The following CDSN variants were observed in gnomAD, a reference collection of about 807,000 sequenced individuals.
CDSN encodes the protein corneodesmosin, also known as S protein.
CDSN carries 11 observed loss-of-function variants against 25.6 expected under a neutral mutation model. The observed-to-expected ratio is 0.43, with a 90% CI of 0.27 to 0.71. The LOEUF is 0.71. Among genes scored for constraint, CDSN ranks in the 30% least tolerant of loss-of-function variants. The pLI, the probability that CDSN is intolerant of heterozygous loss-of-function variation, is 0.20. For synonymous variants in CDSN, 266 were observed against 267.4 expected, an observed-to-expected ratio of 0.99 and a Z score of 0.05; for missense variants, 598 against 670.9, an observed-to-expected ratio of 0.89 and a Z score of 1.20.
chr6:31,116,833 C>A lies in CDSN; in HGVS notation c.782G>T (p.Gly261Val), dbSNP rs752136614. The A allele has an allele frequency of 1.2e-6, 2 of 1,614,014 alleles. No individual in the cohort carries two copies. The highest frequency in any genetic ancestry group is 1.7e-6 in the Non-Finnish European group (2 of 1,179,958). Residue 261 changes from glycine to valine, a missense_variant, in exon 2 of 2, where the codon GGT (glycine) becomes GTT (valine). Physicochemically the swap from Gly to Val is moderately radical, Grantham distance 109. Coordinates refer to ENST00000376288, the MANE Select transcript of CDSN (RefSeq NM_001264.5). ...TTGAACCACTCCAGGGGCACCAGAA[C>A]CGTGCTGGTCCACCACCACCACCAC... Reference protein sequence around the residue: ...RPVVVVVDQHGSGAPGVVQGP... With the variant: ...RPVVVVVDQHVSGAPGVVQGP...
Position 31,115,742 on chromosome 6 carries a change from G to C in CDSN, c.*283C>G. 1 of 510,540 alleles carries C rather than the reference G, an allele frequency of 2.0e-6. No homozygotes were observed. Among genetic ancestry groups the C allele is most frequent in the Non-Finnish European group, 3.5e-6 (1 of 287,988 alleles). 31.6% of individuals were successfully genotyped at this position (510,540 alleles called of 1,614,324 possible). A position where few individuals can be genotyped will look rare whatever the true frequency, so the allele number is the denominator to read the frequency against. On this transcript the variant is annotated 3_prime_UTR_variant, in exon 2 of 2. Coordinates refer to ENST00000376288, the MANE Select transcript of CDSN (RefSeq NM_001264.5). The surrounding 1 kb of genome is among the most constrained non-coding windows in gnomAD (Gnocchi z 4.2). ...TTCCACACAGTAGAGGGAATTGTAA[G>C]GGGTGGTGATCTGGCTGAGGGGCAC... is the stretch of plus-strand genomic sequence containing the variant.
rs766734347 is a variant in CDSN at position 31,115,194 on chromosome 6, C to T, written c.*831G>A. The T allele has an allele frequency of 1.9e-5, 6 of 322,436 alleles. No homozygotes were observed. Among genetic ancestry groups the T allele is most frequent in the Non-Finnish European group, 3.6e-5 (6 of 166,430 alleles). The allele number at this position is 322,436 out of a possible 1,614,324, so 20.0% of individuals were successfully genotyped here. ...GAAGGAAAATGAGGAACACAGAGACCTCTAGAGGCGTAGGAAGAGCACCAC... is the reference window on the plus strand; with the variant it reads ...GAAGGAAAATGAGGAACACAGAGACTTCTAGAGGCGTAGGAAGAGCACCAC... On this transcript the variant is annotated 3_prime_UTR_variant, in exon 2 of 2. Coordinates refer to ENST00000376288, the MANE Select transcript of CDSN (RefSeq NM_001264.5). The surrounding 1 kb of genome is among the most constrained non-coding windows in gnomAD (Gnocchi z 4.2).
Position 31,120,441 on chromosome 6 carries a change from A to G in CDSN, c.-22T>C. Reference sequence around the variant, plus strand: ...CCATCTCGGACTGCACGGCCTCCTGACTGATGGCAGCTCAAGGACACCCGG... The same window carrying G: ...CCATCTCGGACTGCACGGCCTCCTGGCTGATGGCAGCTCAAGGACACCCGG... On this transcript the variant is annotated 5_prime_UTR_variant, in exon 1 of 2. Transcript: ENST00000376288. 6.4e-7 allele frequency: 1 copy of G among 1,559,130 alleles called. No homozygotes were observed. Among genetic ancestry groups the G allele is most frequent in the Non-Finnish European group, 8.7e-7 (1 of 1,149,936 alleles).
rs3130982 is a variant in CDSN, at chr6:31,116,298, G to A, written c.1317C>T (p.Ser439=). 6.2e-7 allele frequency: 1 copy of A among 1,613,646 alleles called. No individual in the cohort carries two copies. Among genetic ancestry groups the A allele is most frequent in the Non-Finnish European group, 8.5e-7 (1 of 1,179,864 alleles). Reference sequence around the variant, plus strand: ...AAGGCTGAAGGATGATTTTGCCACTGGATTGGGAACTGGAGCTGCTGCTGA... The same window carrying A: ...AAGGCTGAAGGATGATTTTGCCACTAGATTGGGAACTGGAGCTGCTGCTGA... ...GSFSSSSSSQ[S]SGKIILQPCG... Residue 439 remains serine (S), a synonymous_variant, in exon 2 of 2, where the codon TCC becomes TCT. Coordinates refer to ENST00000376288, the MANE Select transcript of CDSN (RefSeq NM_001264.5).
At chr6:31,117,767 T>C in intron 1 of CDSN, 2 of 567,418 alleles carry the variant, frequency 3.5e-6, no homozygotes, top group Non-Finnish European at 6.3e-6. Context: ...AAATAGAAAA[T>C]TAGGTGCCAA....
rs753114787 is a variant in CDSN at position 31,116,093 on chromosome 6, G to A, written c.1522C>T (p.Pro508Ser). Residue 508 changes from proline to serine, a missense_variant, in exon 2 of 2, where the codon CCT (proline) becomes TCT (serine). Transcript: ENST00000376288. ...GGGTCAGCTAGCTGGGGCCCCAGAG[G>A]CTTCACTTGGGCTAGGATATCCCGG... ...SIRDILAQVK[P>S]LGPQLADPEV... The A allele has an allele frequency of 1.2e-6, 2 of 1,612,042 alleles. No homozygotes were observed. Among genetic ancestry groups the A allele is most frequent in the Non-Finnish European group, 1.7e-6 (2 of 1,179,484 alleles).
Position 31,117,099 on chromosome 6 carries a change from A to G in CDSN, c.516T>C (p.Asn172=). ...QFSSSSFQVG[N]GSALPTNDNS... is the part of the protein sequence containing the mutation. The stretch of plus-strand genomic sequence containing the variant: ...TGTCATTGGTTGGCAGAGCAGAGCC[A>G]TTCCCTACTTGGAAGCTGCTGCTGC... Residue 172 remains asparagine, a synonymous_variant, in exon 2 of 2, where the codon AAT becomes AAC. Transcript: ENST00000376288. 1.2e-6 allele frequency: 2 copies of G among 1,614,224 alleles called. No homozygotes were observed. Among genetic ancestry groups the G allele is most frequent in the Non-Finnish European group, 1.7e-6 (2 of 1,180,036 alleles).
chr6:31,115,984 T>C lies in CDSN; in HGVS notation c.*41A>G. On this transcript the variant is annotated 3_prime_UTR_variant, in exon 2 of 2. Coordinates refer to ENST00000376288, the MANE Select transcript of CDSN (RefSeq NM_001264.5). This position sits in a 1 kb window ranked among gnomAD's most constrained non-coding sequence, Gnocchi z 4.2. ...CCATATGGGATATAGTGTATGTGCT[T>C]GTTTGTGCCCAAGGCATGCACACAC... The C allele has an allele frequency of 6.4e-7, 1 of 1,563,008 alleles. No individual in the cohort carries two copies. Among genetic ancestry groups the C allele is most frequent in the Non-Finnish European group, 8.8e-7 (1 of 1,137,266 alleles).
Position 31,116,331 on chromosome 6 carries a change from G to A in CDSN, c.1284C>T (p.Thr428=), listed in dbSNP as rs758172158. Residue 428 remains threonine, a synonymous_variant, in exon 2 of 2, where the codon ACC becomes ACT. Transcript: ENST00000376288. ...ASQSPCSPPG[T]GSFSSSSSSQ... is the part of the protein sequence containing the mutation. ...AACTGGAGCTGCTGCTGAAGGAGCCGGTGCCTGGTGGGGAGCAGGGGCTCT... is the reference window on the plus strand; with the variant it reads ...AACTGGAGCTGCTGCTGAAGGAGCCAGTGCCTGGTGGGGAGCAGGGGCTCT... 15 of 1,613,446 alleles carry A rather than the reference G, an allele frequency of 9.3e-6. No homozygotes were observed. The highest frequency in any genetic ancestry group is 2.2e-5 in the East Asian group (1 of 44,878).
rs761952633 is a variant in CDSN at position 31,117,340 on chromosome 6, G to A, written c.275C>T (p.Ser92Phe). 1.3e-4 allele frequency: 201 copies of A among 1,578,342 alleles called. No individual in the cohort carries two copies. Among genetic ancestry groups the A allele is most frequent in the Non-Finnish European group, 1.7e-4 (199 of 1,161,926 alleles). Residue 92 changes from serine (S) to phenylalanine (F), a missense_variant, in exon 2 of 2, where the codon TCC (serine) becomes TTC (phenylalanine). By Grantham distance (155) the Ser-to-Phe change is radical (BLOSUM62 -2). Coordinates refer to ENST00000376288, the MANE Select transcript of CDSN (RefSeq NM_001264.5). ...RSSGGGSSGS[S>F]SGSSIAQGGS... is the part of the protein sequence containing the mutation. ...ACCCTGGGCAATGCTGGATCCGCTG[G>A]AGCTACCACTGGAGCCACCACCAGA...
At position 31,116,185 on chromosome 6, in the gene CDSN, G is replaced by A. The variant is rs765498828; in HGVS notation, c.1430C>T (p.Pro477Leu). Reference protein sequence around the residue: ...LTGGPDGSPHPDPSAGAKPCG... With the variant: ...LTGGPDGSPHLDPSAGAKPCG... The stretch of plus-strand genomic sequence containing the variant: ...GGGCTTGGCACCAGCGGAGGGATCA[G>A]GATGGGGAGAGCCATCGGGGCCCCC... The change falls in exon 2 of 2, where the codon CCT (proline) becomes CTT (leucine). Residue 477 changes from proline to leucine, a missense_variant. Transcript: ENST00000376288. 1 of 1,613,524 alleles carries A rather than the reference G, an allele frequency of 6.2e-7. No individual in the cohort carries two copies. The highest frequency in any genetic ancestry group is 8.5e-7 in the Non-Finnish European group (1 of 1,179,706).
Position 31,115,992 on chromosome 6 carries a change from C to T in CDSN, c.*33G>A. 1 of 1,582,220 alleles carries T rather than the reference C, an allele frequency of 6.3e-7. No individual in the cohort carries two copies. The highest frequency in any genetic ancestry group is 1.1e-5 in the South Asian group (1 of 90,232). ...GATATAGTGTATGTGCTTGTTTGTG[C>T]CCAAGGCATGCACACACACAACAGT... On this transcript the variant is annotated 3_prime_UTR_variant, in exon 2 of 2. Coordinates refer to ENST00000376288, the MANE Select transcript of CDSN (RefSeq NM_001264.5). This position sits in a 1 kb window ranked among gnomAD's most constrained non-coding sequence, Gnocchi z 4.2.
At chr6:31,117,754 G>T in intron 1 of CDSN, 1 of 578,574 alleles carries the variant, frequency 1.7e-6, no homozygotes, top group Non-Finnish European at 3.1e-6. Flanking sequence ...ACACCAACCA[G>T]AAAAATAGAA....
At position 31,117,050 on chromosome 6, in the gene CDSN, G is replaced by C. The variant is rs750948555; in HGVS notation, c.565C>G (p.Pro189Ala). Reference sequence around the variant, plus strand: ...GAAGAGCTTTGTCCAGGCTGGGAAGGGTTTAGTATTCCGCGGTAAGAGTTG... The same window carrying C: ...GAAGAGCTTTGTCCAGGCTGGGAAGCGTTTAGTATTCCGCGGTAAGAGTTG... Reference protein sequence around the residue: ...NDNSYRGILNPSQPGQSSSSS... With the variant: ...NDNSYRGILNASQPGQSSSSS... Residue 189 changes from proline to alanine, a missense_variant, in exon 2 of 2, where the codon CCT (proline) becomes GCT (alanine). By Grantham distance (27) the Pro-to-Ala change is conservative (BLOSUM62 -1). Transcript: ENST00000376288. 10 of 1,614,258 alleles carry C rather than the reference G, an allele frequency of 6.2e-6. No homozygotes were observed. Among genetic ancestry groups the C allele is most frequent in the Non-Finnish European group, 8.5e-6 (10 of 1,180,048 alleles).
chr6:31,116,249 C>T lies in CDSN; in HGVS notation c.1366G>A (p.Gly456Ser). The change falls in exon 2 of 2, where the codon GGT becomes AGT. Residue 456 changes from glycine to serine, a missense_variant. By Grantham distance (56) the Gly-to-Ser change is moderately conservative. Coordinates refer to ENST00000376288, the MANE Select transcript of CDSN (RefSeq NM_001264.5). Reference sequence around the variant, plus strand: ...GAGGAGACAGACATGCAAGGGTGACCAGAAGAGCTGGACTTGCTGCCACAA... The same window carrying T: ...GAGGAGACAGACATGCAAGGGTGACTAGAAGAGCTGGACTTGCTGCCACAA... ...QPCGSKSSSS[G>S]HPCMSVSSLT... The T allele has an allele frequency of 6.2e-7, 1 of 1,614,026 alleles. No homozygotes were observed. The highest frequency in any genetic ancestry group is 2.2e-5 in the East Asian group (1 of 44,854).
At position 31,120,332 on chromosome 6, in the gene CDSN, TA is replaced by T; in HGVS notation, c.85+2del. On this transcript the variant is annotated splice_donor_variant, in intron 1 of 1. Transcript: ENST00000376288. LOFTEE classifies it high-confidence loss of function. ...CCTGTTCCCAGGGCCCCCAGCCTCC[TA>T]CCTGGCAGGAGGAGACCAGCCAGCA... is the stretch of plus-strand genomic sequence containing the variant. 6.3e-7 allele frequency: 1 copy of T among 1,575,524 alleles called. No homozygotes were observed. The highest frequency in any genetic ancestry group is 8.6e-7 in the Non-Finnish European group (1 of 1,160,910).
intron 1 of CDSN, among the ~76,000 whole-genome samples, chr6:31,119,503 C>G (rs1333467511): frequency 1.3e-5 from 2 of 152,200 alleles, no homozygotes; most frequent in Non-Finnish European, 2.9e-5. Context: ...CCTTCTAATG[C>G]ATGATCTTGA....
chr6:31,116,702 T>A lies in CDSN; in HGVS notation c.913A>T (p.Ser305Cys). The A allele has an allele frequency of 6.2e-7, 1 of 1,612,720 alleles. No individual in the cohort carries two copies. Among genetic ancestry groups the A allele is most frequent in the Non-Finnish European group, 8.5e-7 (1 of 1,179,998 alleles). Residue 305 changes from serine (S) to cysteine (C), a missense_variant, in exon 2 of 2, where the codon AGT becomes TGT. Physicochemically the swap from Ser to Cys is moderately radical, Grantham distance 112. Coordinates refer to ENST00000376288, the MANE Select transcript of CDSN (RefSeq NM_001264.5). Reference sequence around the variant, plus strand: ...TAGGTCATGCCTGGAACCAGATAACTGTCAGAGGAGCCACCCACCACCTCG... The same window carrying A: ...TAGGTCATGCCTGGAACCAGATAACAGTCAGAGGAGCCACCCACCACCTCG... ...GYEVVGGSSDSYLVPGMTYSK... is the reference protein window; with the variant it reads ...GYEVVGGSSDCYLVPGMTYSK...
In CDSN at chr6:31,116,379, G is replaced by A. The variant is rs1204563964; in HGVS notation, c.1236C>T (p.Tyr412=). ...SSISSSSGLP[Y]HPCGSASQSP... Reference sequence around the variant, plus strand: ...TCTGGGAAGCACTGCCGCAGGGATGGTAGGGTAAACCGGAGCTGCTGGAAA... The same window carrying A: ...TCTGGGAAGCACTGCCGCAGGGATGATAGGGTAAACCGGAGCTGCTGGAAA... The change falls in exon 2 of 2, where the codon TAC becomes TAT. Residue 412 remains tyrosine (Y), a synonymous_variant. Coordinates refer to ENST00000376288, the MANE Select transcript of CDSN (RefSeq NM_001264.5). 5.0e-6 allele frequency: 8 copies of A among 1,608,170 alleles called. No individual in the cohort carries two copies. In the African/African-American group the frequency reaches 6.7e-5, roughly 13 times the overall value.
Sources: gnomAD v4.1 joint callset for allele counts (sites outside exome capture counted in the v4.1 genomes callset) on GRCh38, gnomAD v4.1.1 for gene constraint, Gnocchi (gnomAD v3.1) non-coding constraint, MANE v1.5 for transcripts, NCBI Gene and HGNC (gene_info 2026-07-23, HGNC 2026-07-21) for gene names.